ACOXL: variants seen among roughly 807,000 people sequenced by gnomAD.
ACOXL encodes the protein acyl-coenzyme A oxidase-like protein.
In ACOXL, 70 loss-of-function variants were observed where a neutral mutation model predicts 71.9. That is an observed-to-expected ratio of 0.97 (90% CI 0.80 to 1.19). The LOEUF (loss-of-function observed/expected upper bound fraction) is 1.19. Among genes scored for constraint, ACOXL ranks in the 50% most tolerant of loss-of-function variants. ACOXL has a pLI of 0.00. For synonymous variants in ACOXL, 253 were observed against 281.6 expected (o/e 0.90, Z 1.02); for missense variants, 703 against 736.3 (o/e 0.95, Z 0.52).
chr2:110,839,320 A>G (rs919903692), intron 9 of ACOXL, among the ~76,000 whole-genome samples: 2 of 152,236 alleles, frequency 1.3e-5, no homozygotes, highest in Non-Finnish European at 2.9e-5. Flanking sequence ...AGGAAATGTA[A>G]AGTTATCCGG....
intron 10 of ACOXL, among the ~76,000 whole-genome samples, chr2:110,898,267 G>T (rs28806919): frequency 6.6e-6 from 1 of 151,568 alleles, no homozygotes; most frequent in Non-Finnish European, 1.5e-5. Flanking sequence ...TACTGATCCC[G>T]GAACCAAATA....
intron 12 of ACOXL, among the ~76,000 whole-genome samples, chr2:110,938,718 TGAATGAATGAAA>T (rs1289461121): frequency 6.6e-6 from 1 of 152,322 alleles, no homozygotes; most frequent in Non-Finnish European, 1.5e-5. Context: ...AATGAATGAA[TGAATGAATGAAA>T]GAATGTCCTG....
intron 15 of ACOXL, among the ~76,000 whole-genome samples, chr2:111,035,966 A>G (rs1245144358): frequency 6.6e-6 from 1 of 152,214 alleles, no homozygotes; most frequent in Non-Finnish European, 1.5e-5. Context: ...CGCCTCCTCA[A>G]ATGTGCATTA....
intron 11 of ACOXL, among the ~76,000 whole-genome samples, chr2:110,931,970 C>T (rs1466243560): frequency 2.0e-5 from 3 of 152,192 alleles, no homozygotes; most frequent in African/African-American, 4.8e-5. Context: ...AAGAATTGTA[C>T]ATGAATTTTC....
intron 9 of ACOXL, among the ~76,000 whole-genome samples, chr2:110,819,904 A>G (rs1434391000): frequency 6.6e-6 from 1 of 152,124 alleles, no homozygotes; most frequent in Non-Finnish European, 1.5e-5. Context: ...GGCTATGTGA[A>G]CTTGTACAAA....
intron 1 of ACOXL, among the ~76,000 whole-genome samples, chr2:110,758,298 TGTA>T (rs1362554921): frequency 8.5e-5 from 13 of 152,214 alleles, no homozygotes; most frequent in Non-Finnish European, 1.9e-4. Flanking sequence ...ACTATAGCCT[TGTA>T]GTATAGTTTG....
chr2:111,094,723 G>A (rs1258609560), intron 17 of ACOXL, among the ~76,000 whole-genome samples: 1 of 152,192 alleles, frequency 6.6e-6, no homozygotes, highest in Non-Finnish European at 1.5e-5. Context: ...TCAAGCCACA[G>A]CATCATTTCT....
intron 10 of ACOXL, chr2:110,886,847 C>T: frequency 6.4e-7 from 1 of 1,550,958 alleles, no homozygotes; most frequent in Non-Finnish European, 8.7e-7. Flanking sequence ...CTCTTGTGGA[C>T]CAGGCTAATT....
rs1252576642 is a variant in ACOXL at position 110,795,334 on chromosome 2, A to G, written c.345+1160A>G. On this transcript the variant is annotated intron_variant, in intron 5 of 17. Coordinates refer to ENST00000439055, the MANE Select transcript of ACOXL (RefSeq NM_001142807.4). Reference sequence around the variant, plus strand: ...CCTGATGTTAGTTCTCTCCAGCAGCAAATGATGTCCAAGATCATAGTAAGA... The same window carrying G: ...CCTGATGTTAGTTCTCTCCAGCAGCGAATGATGTCCAAGATCATAGTAAGA... Among the ~76,000 whole-genome samples the G allele has an allele frequency of 2.0e-5, 3 of 152,298 alleles. No individual in the cohort carries two copies. In the East Asian group the frequency reaches 5.8e-4, roughly 29 times the overall value.
At chr2:110,916,243 T>C (rs1029108423) in intron 11 of ACOXL, among the ~76,000 whole-genome samples, 3 of 152,100 alleles carry the variant, frequency 2.0e-5, no homozygotes, top group African/African-American at 7.2e-5. Flanking sequence ...GGCTTCCTTT[T>C]TTTTTTCTTT....
At chr2:110,807,886 C>T (rs1178432923) in intron 9 of ACOXL, among the ~76,000 whole-genome samples, 2 of 152,228 alleles carry the variant, frequency 1.3e-5, no homozygotes, top group Admixed American at 1.3e-4. Flanking sequence ...TATTAAAAAA[C>T]TGTCACCGCA....
At chr2:110,938,346 G>A (rs916081515) in intron 12 of ACOXL, among the ~76,000 whole-genome samples, 1 of 152,244 alleles carries the variant, frequency 6.6e-6, no homozygotes, top group Admixed American at 6.5e-5. Flanking sequence ...CCCGGAGCCT[G>A]TCTGCACAGC....
At chr2:111,034,332 A>G (rs541326921) in intron 15 of ACOXL, among the ~76,000 whole-genome samples, 72 of 152,360 alleles carry the variant, frequency 4.7e-4, no homozygotes, top group African/African-American at 1.7e-3. Context: ...TCTTATAACC[A>G]AAGTAGAACA....
At chr2:110,926,748 C>G (rs1339561165) in intron 11 of ACOXL, among the ~76,000 whole-genome samples, 4 of 152,026 alleles carry the variant, frequency 2.6e-5, no homozygotes, top group Non-Finnish European at 5.9e-5. Context: ...ATGATTTTTC[C>G]TCCTACATTG....
chr2:111,003,570 A>AAAAAAAAAAAAAAAAAAAAAAAAAAAT (rs2063739539), intron 14 of ACOXL, among the ~76,000 whole-genome samples: 1 of 148,556 alleles, frequency 6.7e-6, no homozygotes, highest in African/African-American at 2.5e-5. Context: ...AAAAAAAAAA[A>AAAAAAAAAAAAAAAAAAAAAAAAAAAT]AAAAAAAAAG....
rs537081851 is a variant in ACOXL at position 110,985,126 on chromosome 2, A to G, written c.1060-1982A>G. Among the ~76,000 whole-genome samples, 83 of 152,164 alleles carry G rather than the reference A, an allele frequency of 5.5e-4. 1 individual carries two copies. Among genetic ancestry groups the G allele is most frequent in the Non-Finnish European group, 1.1e-3 (74 of 68,040 alleles). On this transcript the variant is annotated intron_variant, in intron 12 of 17. Transcript: ENST00000439055. The stretch of plus-strand genomic sequence containing the variant: ...TATAGATTAGCAAAAACAAAGTTAA[A>G]TCTTAATCCTGGTATTGCGTTAGTG...
At chr2:110,986,547 T>C (rs925024009) in intron 12 of ACOXL, among the ~76,000 whole-genome samples, 31 of 152,322 alleles carry the variant, frequency 2.0e-4, no homozygotes, top group African/African-American at 7.2e-4. Context: ...TAGTGGTTGT[T>C]GCTAACCATC....
At chr2:110,943,638 C>A (rs946279146) in intron 12 of ACOXL, among the ~76,000 whole-genome samples, 1 of 152,182 alleles carries the variant, frequency 6.6e-6, no homozygotes, top group Non-Finnish European at 1.5e-5. Flanking sequence ...TTACACACCT[C>A]TTAGTGTTAG....
chr2:111,052,474 GA>G (rs569705094), intron 16 of ACOXL, among the ~76,000 whole-genome samples: 31 of 152,202 alleles, frequency 2.0e-4, no homozygotes, highest in Admixed American at 1.2e-3. Flanking sequence ...CTACCAAGCA[GA>G]GGTGGAAGCT....
Sources: gnomAD v4.1 joint callset for allele counts (sites outside exome capture counted in the v4.1 genomes callset) on GRCh38, gnomAD v4.1.1 for gene constraint, MANE v1.5 for transcripts, NCBI Gene and HGNC (gene_info 2026-07-23, HGNC 2026-07-21) for gene names.